Variants in SGCZ observed in about 807,000 individuals in gnomAD.
The protein encoded by SGCZ is sarcoglycan zeta.
In SGCZ, 40 loss-of-function variants were observed where a neutral mutation model predicts 41.3. The ratio of observed to expected loss-of-function variants is 0.97; its 90% CI spans 0.75 to 1.26. The LOEUF (loss-of-function observed/expected upper bound fraction) is 1.26, where lower values mean the gene tolerates loss of function less well. Among genes scored for constraint, SGCZ ranks in the 50% most tolerant of loss-of-function variants. SGCZ has a pLI of 0.00. For missense variants in SGCZ, 552 were observed against 369.8 expected, an observed-to-expected ratio of 1.49 and a Z score of -4.04; for synonymous variants, 206 against 137.5, an observed-to-expected ratio of 1.50 and a Z score of -3.49.
intron 1 of SGCZ, among the ~76,000 whole-genome samples, chr8:14,909,797 T>C (rs1444854278): frequency 6.6e-6 from 1 of 152,130 alleles, no homozygotes; most frequent in Non-Finnish European, 1.5e-5. Context: ...GGTTTGTCCA[T>C]CTACTAGTTA....
intron 3 of SGCZ, among the ~76,000 whole-genome samples, chr8:14,276,787 A>G (rs779754972): frequency 6.6e-6 from 1 of 152,202 alleles, no homozygotes; most frequent in Non-Finnish European, 1.5e-5. Context: ...GTCTGGAGGC[A>G]GGAAACAGAA....
At chr8:15,219,943 G>A (rs1043724580) in intron 1 of SGCZ, among the ~76,000 whole-genome samples, 1 of 152,140 alleles carries the variant, frequency 6.6e-6, no homozygotes, top group Non-Finnish European at 1.5e-5. Context: ...GATGGTAGTT[G>A]TAAAAAGAAT....
Position 14,087,714 on chromosome 8 carries a change from T to G in SGCZ, c.*2729A>C, listed in dbSNP as rs73665750. Among the ~76,000 whole-genome samples, 3 of 147,412 alleles carry G rather than the reference T, an allele frequency of 2.0e-5. No individual in the cohort carries two copies. The highest frequency in any genetic ancestry group is 4.5e-5 in the Non-Finnish European group (3 of 66,294). On this transcript the variant is annotated 3_prime_UTR_variant, in exon 8 of 8. Transcript: ENST00000382080. ...TGCAATTAAGGGACCACTATATTTT[T>G]AAAAAAAAAAAAATGCTTTTTTGTG...
At chr8:14,190,651 G>T (rs1212744225) in intron 4 of SGCZ, among the ~76,000 whole-genome samples, 1 of 151,960 alleles carries the variant, frequency 6.6e-6, no homozygotes, top group Non-Finnish European at 1.5e-5. Context: ...CGCCCAGGCT[G>T]GAGTGCAGTG....
intron 1 of SGCZ, among the ~76,000 whole-genome samples, chr8:15,076,750 TCTCA>T (rs1453579069): frequency 7.2e-6 from 1 of 139,336 alleles, no homozygotes; most frequent in African/African-American, 3.0e-5. Flanking sequence ...AATAAGTCTC[TCTCA>T]TTTTTTTTTT....
intron 4 of SGCZ, among the ~76,000 whole-genome samples, chr8:14,207,054 T>C (rs1218564247): frequency 8.2e-6 from 1 of 122,350 alleles, no homozygotes; most frequent in Non-Finnish European, 1.7e-5. Flanking sequence ...AGCTGCTTAA[T>C]TGGCTAATTT....
intron 1 of SGCZ, among the ~76,000 whole-genome samples, chr8:14,671,243 T>C (rs1808092097): frequency 6.6e-6 from 1 of 152,242 alleles, no homozygotes; most frequent in Admixed American, 6.5e-5. Flanking sequence ...TGGTGTCATG[T>C]GACAGTGGTA....
chr8:14,517,999 C>T (rs917479028), intron 2 of SGCZ, among the ~76,000 whole-genome samples: 1 of 151,490 alleles, frequency 6.6e-6, no homozygotes, highest in East Asian at 1.9e-4. Flanking sequence ...GTTTATTGAA[C>T]GTGTATTTTG....
In SGCZ at chr8:14,729,763, A is replaced by G. The variant is rs1476467318; in HGVS notation, c.40-174837T>C. On this transcript the variant is annotated intron_variant, in intron 1 of 7. Coordinates refer to ENST00000382080, the MANE Select transcript of SGCZ (RefSeq NM_139167.4). ...ACATATTTATCTGCAAAACAGTGCTACAAAACCTACCATTCTGGTTAAAAT... is the reference window on the plus strand; with the variant it reads ...ACATATTTATCTGCAAAACAGTGCTGCAAAACCTACCATTCTGGTTAAAAT... Among the ~76,000 whole-genome samples, 15 of 152,358 alleles carry G rather than the reference A, an allele frequency of 9.8e-5. No homozygotes were observed. The East Asian group carries it at 2.9e-3, about 29-fold the overall frequency.
At chr8:14,797,138 G>C (rs753479733) in intron 1 of SGCZ, among the ~76,000 whole-genome samples, 1 of 147,790 alleles carries the variant, frequency 6.8e-6, no homozygotes, top group Non-Finnish European at 1.5e-5. Context: ...AATTGACTTT[G>C]GAACTGGATA....
intron 1 of SGCZ, among the ~76,000 whole-genome samples, chr8:15,193,304 G>C (rs146768202): frequency 0.026 from 3,902 of 152,170 alleles, 89 homozygotes; most frequent in Middle Eastern, 0.055. Flanking sequence ...TCTTAGGCTA[G>C]CCAAGAATTC....
chr8:14,327,590 A>G (rs1469388133), intron 2 of SGCZ, among the ~76,000 whole-genome samples: 1 of 152,226 alleles, frequency 6.6e-6, no homozygotes, highest in African/African-American at 2.4e-5. Context: ...ATGGCTGGAA[A>G]TAAGAGGACT....
At chr8:14,796,160 A>C (rs1801122286) in intron 1 of SGCZ, among the ~76,000 whole-genome samples, 1 of 152,212 alleles carries the variant, frequency 6.6e-6, no homozygotes, top group African/African-American at 2.4e-5. Context: ...TTTATAATAG[A>C]AGGGTTTATA....
At chr8:14,497,560 ATG>A (rs35100445) in intron 2 of SGCZ, among the ~76,000 whole-genome samples, 28,519 of 150,584 alleles carry the variant, frequency 0.19, 3,234 homozygotes, top group Admixed American at 0.26. Context: ...GTGTGTGCGT[ATG>A]TGTGTGTGTG....
At chr8:14,285,154 AT>A (rs1259971706) in intron 3 of SGCZ, among the ~76,000 whole-genome samples, 1 of 152,066 alleles carries the variant, frequency 6.6e-6, no homozygotes, top group Non-Finnish European at 1.5e-5. Flanking sequence ...CTTGGTCATG[AT>A]CCTTCTAGGC....
intron 1 of SGCZ, among the ~76,000 whole-genome samples, chr8:14,571,976 TAAC>T (rs1804567952): frequency 6.6e-6 from 1 of 152,192 alleles, no homozygotes; most frequent in African/African-American, 2.4e-5. Flanking sequence ...AAAGAAATAA[TAAC>T]AATTATCTGA....
At chr8:14,772,770 T>C (rs1800288226) in intron 1 of SGCZ, among the ~76,000 whole-genome samples, 1 of 152,094 alleles carries the variant, frequency 6.6e-6, no homozygotes, top group Non-Finnish European at 1.5e-5. Flanking sequence ...TCATTTTTTG[T>C]GGCTGCATAG....
At chr8:14,348,451 A>C (rs990375632) in intron 2 of SGCZ, among the ~76,000 whole-genome samples, 3 of 152,148 alleles carry the variant, frequency 2.0e-5, no homozygotes, top group Non-Finnish European at 4.4e-5. Flanking sequence ...CTCAGTAGAC[A>C]TATGTAACTA....
Position 14,759,028 on chromosome 8 carries a change from C to A in SGCZ, c.40-204102G>T, listed in dbSNP as rs965338616. On this transcript the variant is annotated intron_variant, in intron 1 of 7. Transcript: ENST00000382080. ...CATCTCAAAAAAAAAAAAAAAAATT[C>A]TTTACAGTCAAATTCCAAGTAATAT... Among the ~76,000 whole-genome samples the A allele has an allele frequency of 3.1e-3, 455 of 144,560 alleles. 2 individuals carry two copies. The highest frequency in any genetic ancestry group is 0.012 in the African/African-American group (434 of 37,592). The allele number at this position is 144,560 out of a possible 152,430, so 94.8% of individuals were successfully genotyped here.
Sources: allele counts gnomAD v4.1 joint callset (sites outside exome capture counted in the v4.1 genomes callset), GRCh38; gene constraint gnomAD v4.1.1; transcripts MANE v1.5; gene names NCBI Gene and HGNC (gene_info 2026-07-23, HGNC 2026-07-21).